MYRIP: variants seen among roughly 807,000 people sequenced by gnomAD.
MYRIP encodes rab effector MyRIP.
Under a neutral mutation model 98.0 loss-of-function variants are expected in MYRIP, and 49 were observed. That is an observed-to-expected ratio of 0.50 (90% CI 0.40 to 0.63). The LOEUF (loss-of-function observed/expected upper bound fraction) is 0.63, where lower values mean the gene tolerates loss of function less well. Ranked by LOEUF, MYRIP falls within the 30% of genes least tolerant of loss-of-function variation. MYRIP has a pLI of 0.00. For synonymous variants in MYRIP, 404 were observed against 409.5 expected (o/e 0.99, Z 0.16); for missense variants, 1,004 against 1,058.2 (o/e 0.95, Z 0.71).
At chr3:40,109,222 G>GCAGT (rs1398088994) in intron 3 of MYRIP, among the ~76,000 whole-genome samples, 1 of 152,050 alleles carries the variant, frequency 6.6e-6, no homozygotes, top group African/African-American at 2.4e-5. Context: ...CTTTTCAACA[G>GCAGT]CAGTCATCTT....
intron 3 of MYRIP, among the ~76,000 whole-genome samples, chr3:40,148,173 ATTATT>A (rs1430568139): frequency 6.6e-6 from 1 of 152,110 alleles, no homozygotes; most frequent in Non-Finnish European, 1.5e-5. Context: ...TTTGCAAAGT[ATTATT>A]TTTTTCTGTG....
In MYRIP at chr3:39,822,455, A is replaced by AT. The variant is rs367849683; in HGVS notation, c.-31+12548dup. On this transcript the variant is annotated intron_variant, in intron 1 of 16. Transcript: ENST00000302541. ...GTAAACTTTCTTAAAACATTATGAG[A>AT]TTTTTTTTTGCGATTTTTTTTTTCT... Among the ~76,000 whole-genome samples, 991 of 150,260 alleles carry AT rather than the reference A, an allele frequency of 6.6e-3. 13 individuals carry two copies. Among genetic ancestry groups the AT allele is most frequent in the Middle Eastern group, 0.037 (11 of 294 alleles).
chr3:39,982,334 A>G (rs1945914926), intron 2 of MYRIP, among the ~76,000 whole-genome samples: 1 of 152,164 alleles, frequency 6.6e-6, no homozygotes, highest in Non-Finnish European at 1.5e-5. Context: ...GCAGCACCAT[A>G]TACATGTATG....
At chr3:40,130,323 C>T (rs1949610122) in intron 3 of MYRIP, among the ~76,000 whole-genome samples, 1 of 151,744 alleles carries the variant, frequency 6.6e-6, no homozygotes, top group South Asian at 2.1e-4. Flanking sequence ...CCATTATTGG[C>T]TTAATACTAC....
chr3:39,885,227 T>C (rs996256938), intron 1 of MYRIP, among the ~76,000 whole-genome samples: 5 of 152,040 alleles, frequency 3.3e-5, no homozygotes, highest in African/African-American at 1.2e-4. Flanking sequence ...TATTGGGTTT[T>C]TGCTGTTTTT....
chr3:40,161,529 C>T (rs1387637897), intron 4 of MYRIP, among the ~76,000 whole-genome samples: 2 of 152,126 alleles, frequency 1.3e-5, no homozygotes, highest in African/African-American at 4.8e-5. Flanking sequence ...TCTCTGTTGC[C>T]TCCCCCTCCC....
chr3:40,139,019 A>G (rs530502726), intron 3 of MYRIP, among the ~76,000 whole-genome samples: 1 of 152,066 alleles, frequency 6.6e-6, no homozygotes, highest in East Asian at 1.9e-4. Flanking sequence ...TCTACTTTTT[A>G]CTTCTATGAG....
At position 40,209,982 on chromosome 3, in the gene MYRIP, G is replaced by A; in HGVS notation, c.1794G>A (p.Glu598=). ...YELAMKMSEK[E]TSSGEDQESE... ...TAGCAATGAAAATGAGTGAAAAGGA[G>A]ACTTCTTCAGGGGAGGATCAGGAGT... is the stretch of plus-strand genomic sequence containing the variant. The change falls in exon 11 of 17, where the codon GAG becomes GAA. Residue 598 remains glutamate (E), a synonymous_variant. Transcript: ENST00000302541. 1 of 1,614,094 alleles carries A rather than the reference G, an allele frequency of 6.2e-7. No individual in the cohort carries two copies. The highest frequency in any genetic ancestry group is 8.5e-7 in the Non-Finnish European group (1 of 1,179,970).
intron 2 of MYRIP, among the ~76,000 whole-genome samples, chr3:40,028,362 C>A (rs1947183337): frequency 6.6e-6 from 1 of 152,112 alleles, no homozygotes; most frequent in Non-Finnish European, 1.5e-5. Flanking sequence ...CACTTCACAC[C>A]CCCTGTTACC....
At chr3:39,874,697 T>G (rs377627641) in intron 1 of MYRIP, among the ~76,000 whole-genome samples, 35 of 152,256 alleles carry the variant, frequency 2.3e-4, no homozygotes, top group Middle Eastern at 3.4e-3. Flanking sequence ...AAGCCCACTT[T>G]ATCATGGTGG....
chr3:39,830,080 C>T (rs1035774478), intron 1 of MYRIP, among the ~76,000 whole-genome samples: 1 of 152,190 alleles, frequency 6.6e-6, no homozygotes, highest in African/African-American at 2.4e-5. Context: ...TCTCTGACTT[C>T]AACTCTAAAA....
intron 8 of MYRIP, among the ~76,000 whole-genome samples, chr3:40,177,985 G>A (rs1409637234): frequency 6.6e-6 from 1 of 152,008 alleles, no homozygotes; most frequent in Non-Finnish European, 1.5e-5. Context: ...TTTTGTCATT[G>A]CTATAATTAT....
intron 2 of MYRIP, among the ~76,000 whole-genome samples, chr3:39,954,173 G>A (rs1024341813): frequency 6.6e-6 from 1 of 152,114 alleles, no homozygotes; most frequent in Admixed American, 6.6e-5. Context: ...GGTTCTCCCA[G>A]CATGGAGTTT....
chr3:39,967,998 T>C (rs949525739), intron 2 of MYRIP, among the ~76,000 whole-genome samples: 2 of 152,136 alleles, frequency 1.3e-5, no homozygotes, highest in East Asian at 3.8e-4. Context: ...GTCAGATGCA[T>C]AGTTTGTAAA....
intron 2 of MYRIP, among the ~76,000 whole-genome samples, chr3:39,983,609 C>T (rs373378098): frequency 7.4e-4 from 112 of 152,246 alleles, no homozygotes; most frequent in African/African-American, 2.6e-3. Context: ...GGGGGTACAG[C>T]GGTAAGCCAC....
intron 1 of MYRIP, among the ~76,000 whole-genome samples, chr3:39,819,517 T>C (rs1007359139): frequency 6.6e-6 from 1 of 152,220 alleles, no homozygotes; most frequent in Non-Finnish European, 1.5e-5. Context: ...TCCTAGGGTG[T>C]AGATTCTACC....
chr3:40,104,181 A>G (rs1428875634), intron 3 of MYRIP, among the ~76,000 whole-genome samples: 1 of 152,168 alleles, frequency 6.6e-6, no homozygotes, highest in Non-Finnish European at 1.5e-5. Context: ...GGCCACTTCT[A>G]GGTATTGTCA....
In MYRIP at chr3:40,090,185, T is replaced by A. The variant is rs115569476; in HGVS notation, c.332+45914T>A. 1.1e-3 allele frequency among the ~76,000 whole-genome samples: 175 copies of A among 152,288 alleles called. 2 individuals are homozygous for A. The highest frequency in any genetic ancestry group is 4.1e-3 in the African/African-American group (172 of 41,544). On this transcript the variant is annotated intron_variant, in intron 3 of 16. Transcript: ENST00000302541. ...GAGACCTTGTACAAAATCCCTGATC[T>A]TTCTGGGCCTCATCTGTGAAGATTA... is the stretch of plus-strand genomic sequence containing the variant.
chr3:39,874,509 C>G (rs1308161558), intron 1 of MYRIP, among the ~76,000 whole-genome samples: 1 of 152,090 alleles, frequency 6.6e-6, no homozygotes, highest in African/African-American at 2.4e-5. Flanking sequence ...TTTTGAGATA[C>G]GTCCCATCAA....
Sources: allele counts gnomAD v4.1 joint callset (sites outside exome capture counted in the v4.1 genomes callset), GRCh38; gene constraint gnomAD v4.1.1; transcripts MANE v1.5; gene names NCBI Gene and HGNC (gene_info 2026-07-23, HGNC 2026-07-21).